The following ZNF594 variants were observed in gnomAD, a reference collection of about 807,000 sequenced individuals.
ZNF594 encodes zinc finger protein 594, also known as zinc finger protein HZF18.
For synonymous variants in ZNF594, 336 were observed against 309.4 expected (o/e 1.09, Z -0.90); for missense variants, 1,037 against 964.6 (o/e 1.08, Z -0.99).
intron 1 of ZNF594, among the ~76,000 whole-genome samples, chr17:5,190,518 T>C (rs1200668018): frequency 6.6e-6 from 1 of 152,216 alleles, no homozygotes; most frequent in African/African-American, 2.4e-5. Context: ...ATCTTTTAAC[T>C]ATGTCAATCC....
At chr17:5,178,183 A>G (rs2074317921), downstream of ZNF594, among the ~76,000 whole-genome samples, 1 of 150,782 alleles carries the variant, frequency 6.6e-6, no homozygotes, top group African/African-American at 2.4e-5. Flanking sequence ...TATTCTAAAA[A>G]AAACCATATC....
chr17:5,183,669 G>C lies in ZNF594; in HGVS notation c.588C>G (p.Ser196=). The C allele has an allele frequency of 1.2e-6, 2 of 1,614,154 alleles. No homozygotes were observed. The highest frequency in any genetic ancestry group is 1.7e-6 in the Non-Finnish European group (2 of 1,180,026). ...GAATTTGCTTATGTCTCACCAGATT[G>C]GAGCTCTGATTGAAGTCTTTTCCAC... ...HECGKDFNQS[S]NLVRHKQIHS... is the part of the protein sequence containing the mutation. Residue 196 remains serine (S), a synonymous_variant, in exon 2 of 2, where the codon TCC becomes TCG. Transcript: ENST00000575779.
At chr17:5,187,690 G>A (rs2074394119) in intron 1 of ZNF594, among the ~76,000 whole-genome samples, 1 of 152,120 alleles carries the variant, frequency 6.6e-6, no homozygotes, top group Admixed American at 6.6e-5. Flanking sequence ...TCTATAAAAT[G>A]GAGATAATAA....
At chr17:5,178,336 T>A (rs1023122837), downstream of ZNF594, among the ~76,000 whole-genome samples, 1 of 152,208 alleles carries the variant, frequency 6.6e-6, no homozygotes, top group Non-Finnish European at 1.5e-5. Flanking sequence ...ATATGATTAT[T>A]TACAGTATAT....
At chr17:5,185,739 G>C (rs1163680019) in intron 1 of ZNF594, among the ~76,000 whole-genome samples, 1 of 152,184 alleles carries the variant, frequency 6.6e-6, no homozygotes, top group Non-Finnish European at 1.5e-5. Flanking sequence ...TACAGGTATT[G>C]CTGGGTAAAT....
downstream of ZNF594, chr17:5,174,781 A>T (rs968113816): frequency 1.0e-5 from 2 of 199,678 alleles, no homozygotes; most frequent in Non-Finnish European, 2.1e-5. Context: ...ATTAACTATT[A>T]ACTACATTCA....
intron 1 of ZNF594, among the ~76,000 whole-genome samples, chr17:5,189,158 C>A (rs1374309672): frequency 3.3e-5 from 5 of 151,614 alleles, no homozygotes; most frequent in Middle Eastern, 3.5e-3. Context: ...ACTGCCCAGG[C>A]TGGTCTTGAA....
chr17:5,186,528 T>A (rs1003994527), intron 1 of ZNF594, among the ~76,000 whole-genome samples: 1 of 152,254 alleles, frequency 6.6e-6, no homozygotes, highest in Non-Finnish European at 1.5e-5. Context: ...ATTTTCCCCA[T>A]TGTCTTGCGG....
In ZNF594 at chr17:5,179,837, T is replaced by C. The variant is rs1221558224; in HGVS notation, c.*1996A>G. 6.6e-6 allele frequency: 1 copy of C among 152,162 alleles called. No homozygotes were observed. The highest frequency in any genetic ancestry group is 6.5e-5 in the Admixed American group (1 of 15,288). The allele number at this position is 152,162 out of a possible 1,614,324, so 9.4% of individuals were successfully genotyped here. ...GTGCCAGTCAGAAGCATGATTTGTG[T>C]TGTACATGCCTTTATGTAGCAAAAT... On this transcript the variant is annotated 3_prime_UTR_variant, in exon 2 of 2. Transcript: ENST00000575779.
rs2074354851 is a variant in ZNF594, at chr17:5,182,765, T to C, written c.1492A>G (p.Arg498Gly). 3.1e-6 allele frequency: 5 copies of C among 1,614,170 alleles called. No individual in the cohort carries two copies. ...TGTTGAATAAGGAGTGAACGCCGCC[T>C]GAAGGCTTTCCCACATTCAGTGCAC... ...YQCTECGKAF[R>G]RRSLLIQHRR... The change falls in exon 2 of 2, where the codon AGG becomes GGG. Residue 498 changes from arginine (R) to glycine (G), a missense_variant. Physicochemically the swap from Arg to Gly is moderately radical, Grantham distance 125. Transcript: ENST00000575779.
rs763725749 is a variant in ZNF594, at chr17:5,184,410, C to A, written c.-20-134G>T. ...TGCCAAAGCTGAGATGTGGCTTTCACTAGCGACACTGTGGCTAACACAGGA... is the reference window on the plus strand; with the variant it reads ...TGCCAAAGCTGAGATGTGGCTTTCAATAGCGACACTGTGGCTAACACAGGA... On this transcript the variant is annotated intron_variant, in intron 1 of 1. Transcript: ENST00000575779. The A allele has an allele frequency of 3.2e-4, 291 of 898,822 alleles. 1 individual carries two copies. Among genetic ancestry groups the A allele is most frequent in the Non-Finnish European group, 4.5e-4 (275 of 611,484 alleles). The allele number at this position is 898,822 out of a possible 1,614,324, so 55.7% of individuals were successfully genotyped here.
At chr17:5,188,164 G>GT (rs74266329) in intron 1 of ZNF594, among the ~76,000 whole-genome samples, 3,925 of 104,276 alleles carry the variant, frequency 0.038, 147 homozygotes, top group African/African-American at 0.1. Flanking sequence ...AGTGTTTAGT[G>GT]TTTTTTTTTT....
At chr17:5,190,089 G>A (rs763211499) in intron 1 of ZNF594, among the ~76,000 whole-genome samples, 9 of 152,122 alleles carry the variant, frequency 5.9e-5, no homozygotes, top group South Asian at 4.1e-4. Flanking sequence ...AACACAGGCC[G>A]GGCGCAGTGG....
Position 5,183,931 on chromosome 17 carries a change from T to C in ZNF594, c.326A>G (p.Lys109Arg), listed in dbSNP as rs926957797. Residue 109 changes from lysine to arginine, a missense_variant, in exon 2 of 2, where the codon AAA becomes AGA. Transcript: ENST00000575779. ...HRYEVSGQNF[K>R]QKSGLTEHQK... is the part of the protein sequence containing the mutation. ...ATGTTCAGTTAATCCTGACTTCTGTTTGAAGTTTTGGCCACTAACCTCATA... is the reference window on the plus strand; with the variant it reads ...ATGTTCAGTTAATCCTGACTTCTGTCTGAAGTTTTGGCCACTAACCTCATA... The C allele has an allele frequency of 3.7e-6, 6 of 1,613,836 alleles. No homozygotes were observed. The African/African-American group carries it at 6.7e-5, about 18-fold the overall frequency.
chr17:5,188,490 G>GT (rs1277824970), intron 1 of ZNF594, among the ~76,000 whole-genome samples: 1 of 151,846 alleles, frequency 6.6e-6, no homozygotes, highest in Non-Finnish European at 1.5e-5. Flanking sequence ...TTATTGAGTA[G>GT]TAATTGTTAA....
At chr17:5,190,353 C>T (rs572046632) in intron 1 of ZNF594, among the ~76,000 whole-genome samples, 2 of 151,930 alleles carry the variant, frequency 1.3e-5, no homozygotes, top group Non-Finnish European at 2.9e-5. Context: ...GTTGACAGAG[C>T]GAGACTCTGT....
At position 5,184,006 on chromosome 17, in the gene ZNF594, C is replaced by T; in HGVS notation, c.251G>A (p.Gly84Glu). 2 of 1,614,214 alleles carry T rather than the reference C, an allele frequency of 1.2e-6. No individual in the cohort carries two copies. Among genetic ancestry groups the T allele is most frequent in the Non-Finnish European group, 1.7e-6 (2 of 1,180,038 alleles). The part of the protein sequence containing the change: ...QKAIVGEIGH[G>E]CNEGEKILSA... Reference sequence around the variant, plus strand: ...AAGTATTTTTTCTCCTTCATTACATCCATGGCCAATCTCTCCCACAATGGC... The same window carrying T: ...AAGTATTTTTTCTCCTTCATTACATTCATGGCCAATCTCTCCCACAATGGC... Residue 84 changes from glycine to glutamate, a missense_variant, in exon 2 of 2, where the codon GGA becomes GAA. By Grantham distance (98) the Gly-to-Glu change is moderately conservative. Coordinates refer to ENST00000575779, the MANE Select transcript of ZNF594 (RefSeq NM_032530.2).
rs2074354650 is a variant in ZNF594 at position 5,182,757 on chromosome 17, A to C, written c.1500T>G (p.Arg500=). The part of the protein sequence containing the change: ...CTECGKAFRR[R]SLLIQHRRIH... ...TTCTCCGATGTTGAATAAGGAGTGA[A>C]CGCCGCCTGAAGGCTTTCCCACATT... Residue 500 remains arginine (R), a synonymous_variant, in exon 2 of 2, where the codon CGT becomes CGG. Transcript: ENST00000575779. 6.2e-7 allele frequency: 1 copy of C among 1,613,754 alleles called. No individual in the cohort carries two copies. Among genetic ancestry groups the C allele is most frequent in the African/African-American group, 1.3e-5 (1 of 74,826 alleles).
chr17:5,188,660 A>C (rs1017915812), intron 1 of ZNF594, among the ~76,000 whole-genome samples: 1 of 152,216 alleles, frequency 6.6e-6, no homozygotes, highest in African/African-American at 2.4e-5. Flanking sequence ...ATCTCAAAGA[A>C]ATTTCAGACA....
Sources: gnomAD v4.1 joint callset for allele counts (sites outside exome capture counted in the v4.1 genomes callset) on GRCh38, gnomAD v4.1.1 for gene constraint, MANE v1.5 for transcripts, NCBI Gene and HGNC (gene_info 2026-07-23, HGNC 2026-07-21) for gene names.